DLGAP2: variants seen among roughly 807,000 people sequenced by gnomAD.
DLGAP2 encodes disks large-associated protein 2.
A neutral mutation model predicts 100.3 loss-of-function variants in DLGAP2; 26 were observed. The observed-to-expected ratio is 0.26, with a 90% CI of 0.19 to 0.36. The LOEUF (loss-of-function observed/expected upper bound fraction) is 0.36. Among genes scored for constraint, DLGAP2 ranks in the 10% least tolerant of loss-of-function variants. The pLI is 1.00. For missense variants in DLGAP2, 1,858 were observed against 1,453.2 expected (o/e 1.28, Z -4.53); for synonymous variants, 886 against 630.1 (o/e 1.41, Z -6.08).
At chr8:1,548,051 A>G (rs1380228770) in intron 4 of DLGAP2, among the ~76,000 whole-genome samples, 2 of 152,212 alleles carry the variant, frequency 1.3e-5, no homozygotes, top group African/African-American at 4.8e-5. Flanking sequence ...TTCCTTTAAT[A>G]CCACAAAATC....
intron 6 of DLGAP2, among the ~76,000 whole-genome samples, chr8:1,592,552 C>G (rs999879472): frequency 2.6e-5 from 4 of 152,048 alleles, no homozygotes; most frequent in African/African-American, 9.7e-5. Context: ...CCAACATCCT[C>G]CTAGTCCAGC....
At chr8:937,676 G>A (rs950119984) in intron 2 of DLGAP2, among the ~76,000 whole-genome samples, 7 of 152,166 alleles carry the variant, frequency 4.6e-5, no homozygotes, top group East Asian at 3.9e-4. Flanking sequence ...CAACTGCCTC[G>A]CTGGGTGCCA....
intron 4 of DLGAP2, among the ~76,000 whole-genome samples, chr8:1,506,706 G>T (rs1436107744): frequency 6.6e-6 from 1 of 152,164 alleles, no homozygotes; most frequent in East Asian, 1.9e-4. Context: ...TGATTGGTCT[G>T]TTTTACAAAG....
intron 2 of DLGAP2, among the ~76,000 whole-genome samples, chr8:1,230,815 T>G (rs1228616577): frequency 6.6e-6 from 1 of 152,188 alleles, no homozygotes; most frequent in Non-Finnish European, 1.5e-5. Context: ...ATGCAAAGAA[T>G]GAAACTGGAT....
chr8:1,567,092 G>T (rs935605506), intron 6 of DLGAP2, among the ~76,000 whole-genome samples: 5 of 152,212 alleles, frequency 3.3e-5, no homozygotes, highest in Non-Finnish European at 7.3e-5. Context: ...GAAGGAAATG[G>T]GGAGCAGGTG....
chr8:1,154,735 G>A (rs1366745631), intron 2 of DLGAP2, among the ~76,000 whole-genome samples: 1 of 152,104 alleles, frequency 6.6e-6, no homozygotes, highest in African/African-American at 2.4e-5. Flanking sequence ...GAGTCGGTCA[G>A]GATTTCCAGT....
At chr8:783,831 G>C (rs116232809) in intron 1 of DLGAP2, among the ~76,000 whole-genome samples, 1 of 152,100 alleles carries the variant, frequency 6.6e-6, no homozygotes, top group African/African-American at 2.4e-5. Context: ...TCTCACTGCT[G>C]GTGAAGTTAG....
At chr8:1,380,467 C>T (rs1448587252) in intron 3 of DLGAP2, among the ~76,000 whole-genome samples, 2 of 152,168 alleles carry the variant, frequency 1.3e-5, no homozygotes, top group Non-Finnish European at 2.9e-5. Flanking sequence ...ATAAAACTCA[C>T]CCCTCCAGTT....
At chr8:1,076,229 C>T (rs924131782) in intron 2 of DLGAP2, among the ~76,000 whole-genome samples, 1 of 152,204 alleles carries the variant, frequency 6.6e-6, no homozygotes, top group Non-Finnish European at 1.5e-5. Flanking sequence ...CACCCGCCTT[C>T]CTGCCTGTGA....
At chr8:1,306,689 A>G (rs188285744) in intron 3 of DLGAP2, among the ~76,000 whole-genome samples, 1 of 152,328 alleles carries the variant, frequency 6.6e-6, no homozygotes, top group Non-Finnish European at 1.5e-5. Flanking sequence ...GTGCTGGCAT[A>G]ATCACAGACA....
intron 4 of DLGAP2, among the ~76,000 whole-genome samples, chr8:1,530,823 G>C (rs566692578): frequency 6.6e-6 from 1 of 152,258 alleles, no homozygotes; most frequent in Non-Finnish European, 1.5e-5. Flanking sequence ...ACAATTCCAC[G>C]TGCATACCTT....
At chr8:765,621 GA>G (rs1821191206) in intron 1 of DLGAP2, among the ~76,000 whole-genome samples, 1 of 152,126 alleles carries the variant, frequency 6.6e-6, no homozygotes, top group Non-Finnish European at 1.5e-5. Context: ...TGACCCTAGG[GA>G]AAAAATTAAT....
At chr8:1,537,989 G>GA (rs1554493202) in intron 4 of DLGAP2, among the ~76,000 whole-genome samples, 1 of 152,146 alleles carries the variant, frequency 6.6e-6, no homozygotes, top group African/African-American at 2.4e-5. Context: ...ACTGCGGGGG[G>GA]AACAGAGAGC....
chr8:1,499,206 C>T (rs923203061), intron 3 of DLGAP2, among the ~76,000 whole-genome samples: 5 of 152,218 alleles, frequency 3.3e-5, no homozygotes, highest in African/African-American at 1.2e-4. Flanking sequence ...GTGTGAAGCA[C>T]GTGGCTTTGC....
chr8:1,681,809 A>T lies in DLGAP2; in HGVS notation c.2704+3180A>T, dbSNP rs116329227. Among the ~76,000 whole-genome samples the T allele has an allele frequency of 4.3e-3, 658 of 152,312 alleles. 2 individuals are homozygous for T. Among genetic ancestry groups the T allele is most frequent in the African/African-American group, 0.015 (637 of 41,568 alleles). On this transcript the variant is annotated intron_variant, in intron 12 of 14. Coordinates refer to ENST00000637795, the MANE Select transcript of DLGAP2 (RefSeq NM_001346810.2). ...GATAAACTGGGGCTCTGAGAGATTA[A>T]GATCTTGCCCCAAATCACAGAATAG... is the stretch of plus-strand genomic sequence containing the variant.
chr8:1,342,867 T>C (rs1246360527), intron 3 of DLGAP2, among the ~76,000 whole-genome samples: 1 of 152,176 alleles, frequency 6.6e-6, no homozygotes, highest in Non-Finnish European at 1.5e-5. Flanking sequence ...TTCCCTTACC[T>C]TTTGCTTTCC....
intron 3 of DLGAP2, among the ~76,000 whole-genome samples, chr8:1,260,289 C>T (rs1403391432): frequency 6.6e-6 from 1 of 152,112 alleles, no homozygotes; most frequent in Non-Finnish European, 1.5e-5. Context: ...GTTCATTTTT[C>T]ATTCTCTTTC....
At chr8:1,000,669 G>A (rs185437173) in intron 2 of DLGAP2, among the ~76,000 whole-genome samples, 1 of 152,170 alleles carries the variant, frequency 6.6e-6, no homozygotes, top group African/African-American at 2.4e-5. Flanking sequence ...GAACTGTCCG[G>A]TATTACTGTT....
chr8:768,738 C>T (rs997798854), intron 1 of DLGAP2, among the ~76,000 whole-genome samples: 10 of 152,074 alleles, frequency 6.6e-5, no homozygotes, highest in South Asian at 4.1e-4. Context: ...TCTGATTGAG[C>T]CCACACCTCC....
Sources: gnomAD v4.1 joint callset for allele counts (sites outside exome capture counted in the v4.1 genomes callset) on GRCh38, gnomAD v4.1.1 for gene constraint, MANE v1.5 for transcripts, NCBI Gene and HGNC (gene_info 2026-07-23, HGNC 2026-07-21) for gene names.